The following XPO5 variants were observed in gnomAD, a reference collection of about 807,000 sequenced individuals.
The protein encoded by XPO5 is exportin-5.
Under a neutral mutation model 160.6 loss-of-function variants are expected in XPO5, and 46 were observed. The ratio of observed to expected loss-of-function variants is 0.29; its 90% CI spans 0.23 to 0.37. The LOEUF (loss-of-function observed/expected upper bound fraction) is 0.37. XPO5 is among the 10% of genes least tolerant of loss of function. The pLI is 1.00. For synonymous variants in XPO5, 537 were observed against 519.3 expected (o/e 1.03, Z -0.46); for missense variants, 1,090 against 1,463.9 (o/e 0.74, Z 4.17).
intron 22 of XPO5, 122 bp downstream of exon 22, chr6:43,531,357 A>G: frequency 1.2e-6 from 1 of 858,276 alleles, no homozygotes; most frequent in Non-Finnish European, 1.9e-6. Flanking sequence ...TAGAATGATA[A>G]GTTTCCTATC....
intron 20 of XPO5, among the ~76,000 whole-genome samples, chr6:43,538,052 T>A (rs1220932615): frequency 8.8e-6 from 1 of 113,116 alleles, no homozygotes; most frequent in Non-Finnish European, 1.6e-5. Flanking sequence ...ACCAGTGCAC[T>A]CCAGCATGGG....
At chr6:43,542,792 A>C (rs1199136976) in intron 20 of XPO5, among the ~76,000 whole-genome samples, 1 of 152,194 alleles carries the variant, frequency 6.6e-6, no homozygotes, top group Non-Finnish European at 1.5e-5. Context: ...TAGTATAACC[A>C]CTTTAAAAAG....
At chr6:43,546,498 T>C in intron 20 of XPO5, 73 bp downstream of exon 20, 1 of 1,459,902 alleles carries the variant, frequency 6.8e-7, no homozygotes, top group African/African-American at 1.4e-5. Context: ...TGAAGACATG[T>C]AAACAGACTA....
intron 1 of XPO5, 136 bp from the exon 2 acceptor site, chr6:43,573,737 G>A (rs1169095554): frequency 9.5e-6 from 10 of 1,057,478 alleles, no homozygotes; most frequent in Non-Finnish European, 1.3e-5. Context: ...GGCTGAGATG[G>A]GTGGACTACT....
At chr6:43,561,266 A>G in intron 9 of XPO5, 1 of 398,028 alleles carries the variant, frequency 2.5e-6, no homozygotes, top group South Asian at 4.3e-5. Context: ...GTAAAATAAA[A>G]AACACTCATT....
At chr6:43,553,046 G>A (rs1795326281) in intron 14 of XPO5, among the ~76,000 whole-genome samples, 1 of 152,154 alleles carries the variant, frequency 6.6e-6, no homozygotes, top group South Asian at 2.1e-4. Flanking sequence ...AGGCATAGTG[G>A]GTCATGCCCG....
At chr6:43,548,721 T>C (rs193233789) in intron 17 of XPO5, among the ~76,000 whole-genome samples, 58 of 150,316 alleles carry the variant, frequency 3.9e-4, no homozygotes, top group African/African-American at 1.2e-3. Context: ...GCTTGTTTTA[T>C]ATATATATAT....
In XPO5 at chr6:43,570,684, C is replaced by G. The variant is rs1762965484; in HGVS notation, c.439G>C (p.Glu147Gln). 3 of 1,602,358 alleles carry G rather than the reference C, an allele frequency of 1.9e-6. No homozygotes were observed. The highest frequency in any genetic ancestry group is 2.6e-6 in the Non-Finnish European group (3 of 1,175,134). The change falls in exon 5 of 32, where the codon GAA (glutamate) becomes CAA (glutamine). Residue 147 changes from glutamate (E) to glutamine (Q), a missense_variant and splice_region_variant. Physicochemically the swap from Glu to Gln is conservative, Grantham distance 29 (BLOSUM62 2). Around this residue, in one of 3 missense-constraint regions of XPO5, gnomAD observed 170 missense variants for 227.0 expected, o/e 0.75. Coordinates refer to ENST00000265351, the MANE Select transcript of XPO5 (RefSeq NM_020750.3). ...IELDTLSKQG[E>Q]TQTELVMFIL... ...AACATCACCAATTCTGTCTGTGTTT[C>G]CTACACCAATAGAAATAAGCTAGTT... is the stretch of plus-strand genomic sequence containing the variant.
chr6:43,534,777 T>C (rs1389573660), intron 20 of XPO5, among the ~76,000 whole-genome samples: 1 of 151,812 alleles, frequency 6.6e-6, no homozygotes, highest in Non-Finnish European at 1.5e-5. Flanking sequence ...GCTGGCGAAT[T>C]ACCTGAGGTC....
Position 43,526,681 on chromosome 6 carries a change from T to C in XPO5, c.2983+4A>G, listed in dbSNP as rs780215137. Reference sequence around the variant, plus strand: ...GAACTCCAAGGTCTCACAGGCTCACTTACCGTCTCCATCTGCTGGGGGAGC... The same window carrying C: ...GAACTCCAAGGTCTCACAGGCTCACCTACCGTCTCCATCTGCTGGGGGAGC... On this transcript the variant is annotated splice_donor_region_variant and intron_variant, in intron 27 of 31. Coordinates refer to ENST00000265351, the MANE Select transcript of XPO5 (RefSeq NM_020750.3). The C allele has an allele frequency of 6.2e-6, 10 of 1,613,882 alleles. No individual in the cohort carries two copies. In the South Asian group the frequency reaches 1.1e-4, roughly 18 times the overall value.
At position 43,523,238 on chromosome 6, in the gene XPO5, C is replaced by A; in HGVS notation, c.*630G>T. ...AGCCCTGGTCCTTGGAGGTACTATA[C>A]TTGATACTGTGCCAAGTTTAGCAGT... is the stretch of plus-strand genomic sequence containing the variant. On this transcript the variant is annotated 3_prime_UTR_variant, in exon 32 of 32. Coordinates refer to ENST00000265351, the MANE Select transcript of XPO5 (RefSeq NM_020750.3). 5.3e-6 allele frequency: 1 copy of A among 189,824 alleles called. No individual in the cohort carries two copies. The highest frequency in any genetic ancestry group is 1.0e-4 in the South Asian group (1 of 9,840). The allele number at this position is 189,824 out of a possible 1,614,324, so 11.8% of individuals were successfully genotyped here. A position where few individuals can be genotyped will look rare whatever the true frequency, so the allele number is the denominator to read the frequency against.
intron 13 of XPO5, 97 bp downstream of exon 13, chr6:43,555,739 A>G (rs1762046410): frequency 6.8e-7 from 1 of 1,467,322 alleles, no homozygotes; most frequent in Non-Finnish European, 9.2e-7. Context: ...GTATAAGTAT[A>G]TCGTTCTGAT....
At chr6:43,539,383 C>T in intron 20 of XPO5, 2 of 1,578,994 alleles carry the variant, frequency 1.3e-6, no homozygotes, top group South Asian at 1.1e-5. Context: ...GCATAATCTT[C>T]AAAACCTCAT....
intron 20 of XPO5, among the ~76,000 whole-genome samples, chr6:43,543,958 T>G (rs1325469961): frequency 6.6e-6 from 1 of 152,216 alleles, no homozygotes; most frequent in Non-Finnish European, 1.5e-5. Flanking sequence ...ATTATAGGCA[T>G]GAGCTACCGC....
At chr6:43,560,566 A>C (rs1014971357) in intron 10 of XPO5, among the ~76,000 whole-genome samples, 5 of 152,246 alleles carry the variant, frequency 3.3e-5, no homozygotes, top group Non-Finnish European at 5.9e-5. Context: ...CTGGAATCTC[A>C]GAGTGATATT....
At chr6:43,545,315 C>T (rs901867834) in intron 20 of XPO5, among the ~76,000 whole-genome samples, 4 of 152,160 alleles carry the variant, frequency 2.6e-5, no homozygotes, top group South Asian at 2.1e-4. Context: ...AGTTTCACTG[C>T]GACATGAATA....
chr6:43,523,747 C>A lies in XPO5; in HGVS notation c.*121G>T, dbSNP rs779073301. 2 of 1,517,598 alleles carry A rather than the reference C, an allele frequency of 1.3e-6. No individual in the cohort carries two copies. The highest frequency in any genetic ancestry group is 2.3e-5 in the South Asian group (2 of 88,504). 94.0% of individuals were successfully genotyped at this position (1,517,598 alleles called of 1,614,324 possible). Reference sequence around the variant, plus strand: ...GTTCTCTCCAGCTCCAGACCTGGATCTCTTTCCAGGCTGACAGTGGTGGAA... The same window carrying A: ...GTTCTCTCCAGCTCCAGACCTGGATATCTTTCCAGGCTGACAGTGGTGGAA... On this transcript the variant is annotated 3_prime_UTR_variant, in exon 32 of 32. Coordinates refer to ENST00000265351, the MANE Select transcript of XPO5 (RefSeq NM_020750.3).
intron 20 of XPO5, chr6:43,539,851 C>T (rs1794592891): frequency 2.0e-6 from 1 of 504,018 alleles, no homozygotes; most frequent in Admixed American, 3.8e-5. Flanking sequence ...TTAACTACTA[C>T]CAATATAATT....
In XPO5 at chr6:43,568,705, T is replaced by C; in HGVS notation, c.648+6A>G. 1 of 1,579,116 alleles carries C rather than the reference T, an allele frequency of 6.3e-7. No individual in the cohort carries two copies. Among genetic ancestry groups the C allele is most frequent in the Admixed American group, 1.8e-5 (1 of 55,408 alleles). Reference sequence around the variant, plus strand: ...GTCTCCTTCAAACTTTATAAAGAGCTCTTACCTTTGACTCCTGAGAAGTAT... The same window carrying C: ...GTCTCCTTCAAACTTTATAAAGAGCCCTTACCTTTGACTCCTGAGAAGTAT... On this transcript the variant is annotated splice_donor_region_variant and intron_variant, in intron 6 of 31. Coordinates refer to ENST00000265351, the MANE Select transcript of XPO5 (RefSeq NM_020750.3).
Sources: allele counts gnomAD v4.1 joint callset (sites outside exome capture counted in the v4.1 genomes callset), GRCh38; gene constraint gnomAD v4.1.1; regional missense constraint gnomAD v4.1.1; transcripts MANE v1.5; gene names NCBI Gene and HGNC (gene_info 2026-07-23, HGNC 2026-07-21).